Variants in CSMD1 observed in about 807,000 individuals in gnomAD.
CSMD1 encodes CUB and Sushi multiple domains 1.
CSMD1 carries 213 observed loss-of-function variants against 417.5 expected under a neutral mutation model. That is an observed-to-expected ratio of 0.51 (90% CI 0.46 to 0.57). CSMD1 has a LOEUF of 0.57. Among genes scored for constraint, CSMD1 ranks in the 20% least tolerant of loss-of-function variants. CSMD1 has a pLI of 0.00. For missense variants in CSMD1, 6,923 were observed against 4,529.7 expected, an observed-to-expected ratio of 1.53 and a Z score of -15.17; for synonymous variants, 2,862 against 1,736.8, an observed-to-expected ratio of 1.65 and a Z score of -16.11.
intron 3 of CSMD1, among the ~76,000 whole-genome samples, chr8:4,411,669 C>T (rs184688611): frequency 1.3e-5 from 2 of 152,158 alleles, no homozygotes; most frequent in Non-Finnish European, 2.9e-5. Context: ...TCACAATTCA[C>T]ATTTTCTCCT....
intron 5 of CSMD1, among the ~76,000 whole-genome samples, chr8:3,859,298 A>G (rs1369048311): frequency 1.3e-5 from 2 of 152,202 alleles, no homozygotes; most frequent in African/African-American, 4.8e-5. Context: ...ACACCTATCC[A>G]TGGCAACCTA....
chr8:4,868,024 C>T (rs1320606606), intron 1 of CSMD1, among the ~76,000 whole-genome samples: 1 of 151,962 alleles, frequency 6.6e-6, no homozygotes, highest in Non-Finnish European at 1.5e-5. Context: ...GCGGAAATGG[C>T]TCTTGAAAAA....
intron 10 of CSMD1, among the ~76,000 whole-genome samples, chr8:3,495,809 G>T (rs1338350507): frequency 2.6e-5 from 4 of 152,168 alleles, no homozygotes; most frequent in Non-Finnish European, 5.9e-5. Context: ...AATGGTTTTA[G>T]TTCCTACAGC....
At chr8:4,734,812 G>A (rs1007705566) in intron 1 of CSMD1, among the ~76,000 whole-genome samples, 1 of 152,096 alleles carries the variant, frequency 6.6e-6, no homozygotes, top group African/African-American at 2.4e-5. Flanking sequence ...TCAAGGACCT[G>A]GGTATTTTCA....
At chr8:3,412,676 A>G (rs899864727) in intron 12 of CSMD1, among the ~76,000 whole-genome samples, 4 of 152,230 alleles carry the variant, frequency 2.6e-5, no homozygotes, top group African/African-American at 9.6e-5. Flanking sequence ...GATGATCCTT[A>G]CAGAGTCAGC....
At chr8:3,239,158 G>T (rs539981913) in intron 26 of CSMD1, among the ~76,000 whole-genome samples, 6 of 152,146 alleles carry the variant, frequency 3.9e-5, no homozygotes, top group African/African-American at 1.4e-4. Flanking sequence ...GCTGAGCTTG[G>T]TAAGGTTTTA....
chr8:3,129,209 G>T (rs1323844659), intron 41 of CSMD1, among the ~76,000 whole-genome samples: 1 of 152,162 alleles, frequency 6.6e-6, no homozygotes, highest in South Asian at 2.1e-4. Context: ...GAGAAAAAGG[G>T]AAAGGGGATT....
At chr8:3,985,829 A>C (rs541240962) in intron 5 of CSMD1, among the ~76,000 whole-genome samples, 1 of 151,330 alleles carries the variant, frequency 6.6e-6, no homozygotes, top group African/African-American at 2.4e-5. Flanking sequence ...GCATTCTTCA[A>C]TGCTGAGACT....
At chr8:4,618,591 AG>A (rs1801607794) in intron 2 of CSMD1, among the ~76,000 whole-genome samples, 1 of 152,030 alleles carries the variant, frequency 6.6e-6, no homozygotes, top group African/African-American at 2.4e-5. Flanking sequence ...CAACAAATGA[AG>A]GCTTTTGATG....
rs1811656985 is a variant in CSMD1, at chr8:4,994,555, G to C, written c.-139C>G. 4 of 741,884 alleles carry C rather than the reference G, an allele frequency of 5.4e-6. No individual in the cohort carries two copies. The East Asian group carries it at 1.1e-4, about 20-fold the overall frequency. 46.0% of individuals were successfully genotyped at this position (741,884 alleles called of 1,614,324 possible). A position where few individuals can be genotyped will look rare whatever the true frequency, so the allele number is the denominator to read the frequency against. On this transcript the variant is annotated 5_prime_UTR_variant, in exon 1 of 70. Transcript: ENST00000635120. ...TCCCAAGACCCGCCGCGCATCCGAC[G>C]CCTCCTGAAGGTCTGGGCGCCCGGC...
intron 3 of CSMD1, among the ~76,000 whole-genome samples, chr8:4,287,021 T>A (rs1346184146): frequency 6.6e-6 from 1 of 152,102 alleles, no homozygotes; most frequent in African/African-American, 2.4e-5. Flanking sequence ...ACTTGAAAAA[T>A]AAGAAACTTC....
At chr8:4,617,560 G>A (rs1311375425) in intron 2 of CSMD1, among the ~76,000 whole-genome samples, 1 of 152,104 alleles carries the variant, frequency 6.6e-6, no homozygotes, top group Non-Finnish European at 1.5e-5. Context: ...CATCATGGTG[G>A]CGCTCTCCTT....
At chr8:3,283,041 C>G (rs1040524481) in intron 26 of CSMD1, among the ~76,000 whole-genome samples, 7 of 152,116 alleles carry the variant, frequency 4.6e-5, no homozygotes, top group Non-Finnish European at 1.0e-4. Context: ...CCTTCGGAAA[C>G]CTTTCATCAA....
At chr8:3,573,989 C>T (rs1382906761) in intron 10 of CSMD1, among the ~76,000 whole-genome samples, 3 of 151,604 alleles carry the variant, frequency 2.0e-5, no homozygotes, top group African/African-American at 7.3e-5. Context: ...CATTTGATAG[C>T]CAATGAAACA....
At chr8:4,452,878 G>A (rs191701523) in intron 2 of CSMD1, among the ~76,000 whole-genome samples, 11 of 152,160 alleles carry the variant, frequency 7.2e-5, no homozygotes, top group African/African-American at 2.4e-4. Flanking sequence ...GGCCGACTGT[G>A]AAACAAATTC....
chr8:3,692,647 G>T (rs1201200666), intron 7 of CSMD1, among the ~76,000 whole-genome samples: 1 of 152,012 alleles, frequency 6.6e-6, no homozygotes, highest in Non-Finnish European at 1.5e-5. Flanking sequence ...TGGTCAGGCT[G>T]GTCTCGAACC....
intron 21 of CSMD1, among the ~76,000 whole-genome samples, chr8:3,348,988 G>A (rs1249904293): frequency 6.6e-6 from 1 of 152,094 alleles, no homozygotes; most frequent in African/African-American, 2.4e-5. Context: ...ACATATACGG[G>A]TGCACACACA....
At chr8:4,326,447 T>C (rs952770063) in intron 3 of CSMD1, among the ~76,000 whole-genome samples, 4 of 151,924 alleles carry the variant, frequency 2.6e-5, no homozygotes, top group African/African-American at 9.7e-5. Flanking sequence ...GAGCAAGAGG[T>C]AAAGAATGCA....
chr8:4,661,211 C>G (rs1367207992), intron 1 of CSMD1, among the ~76,000 whole-genome samples: 1 of 152,058 alleles, frequency 6.6e-6, no homozygotes. Flanking sequence ...CTGAAACAGC[C>G]CAGATGTCCT....
Sources: gnomAD v4.1 joint callset for allele counts (sites outside exome capture counted in the v4.1 genomes callset) on GRCh38, gnomAD v4.1.1 for gene constraint, MANE v1.5 for transcripts, NCBI Gene and HGNC (gene_info 2026-07-23, HGNC 2026-07-21) for gene names.